The following ATXN10 variants were observed in gnomAD, a reference collection of about 807,000 sequenced individuals.
ATXN10 encodes ataxin 10.
ATXN10 carries 28 observed loss-of-function variants against 52.9 expected under a neutral mutation model. The observed-to-expected ratio is 0.53, with a 90% CI of 0.39 to 0.73. ATXN10 has a LOEUF of 0.73. ATXN10 is among the 30% of genes least tolerant of loss of function. The probability of loss-of-function intolerance (pLI) is 0.00; values close to 1 mark genes in which losing one functional copy is unlikely to be tolerated. For missense variants in ATXN10, 565 were observed against 577.0 expected (o/e 0.98, Z 0.21); for synonymous variants, 226 against 221.5 (o/e 1.02, Z -0.18).
rs998952577 is a variant in ATXN10, at chr22:45,754,100, GT to G, written c.1173+13564del. 2.0e-5 allele frequency among the ~76,000 whole-genome samples: 3 copies of G among 151,050 alleles called. No individual in the cohort carries two copies. The highest frequency in any genetic ancestry group is 3.0e-5 in the Non-Finnish European group (2 of 67,298). ...TGCCCAGTGGCAGGACGCAACCTGG[GT>G]TCCTGAGCCTTATGGGGTTAAGTGC... On this transcript the variant is annotated intron_variant, in intron 9 of 11. Transcript: ENST00000252934. The surrounding 1 kb of genome is among the most constrained non-coding windows in gnomAD (Gnocchi z 5.4).
rs1426839511 is a variant in ATXN10, at chr22:45,781,979, G to A, written c.1174-24980G>A. Among the ~76,000 whole-genome samples the A allele has an allele frequency of 5.9e-5, 9 of 152,182 alleles. No homozygotes were observed. The highest frequency in any genetic ancestry group is 2.2e-4 in the African/African-American group (9 of 41,426). ...GTTAACCAAGCTTCAGGGATATGTGGGACTTTAATAAAAGGCCGAAAAAGT... is the reference window on the plus strand; with the variant it reads ...GTTAACCAAGCTTCAGGGATATGTGAGACTTTAATAAAAGGCCGAAAAAGT... On this transcript the variant is annotated intron_variant, in intron 9 of 11. Transcript: ENST00000252934. The surrounding 1 kb of genome is among the most constrained non-coding windows in gnomAD (Gnocchi z 4.2).
In ATXN10 at chr22:45,683,040, C is replaced by T. The variant is rs754023192; in HGVS notation, c.117-6672C>T. The stretch of plus-strand genomic sequence containing the variant: ...CCTCTGCTCAGAACCTTCCATGGGC[C>T]GGGCACGGTGGCTCACGCCTGTCAT... On this transcript the variant is annotated intron_variant, in intron 1 of 11. Coordinates refer to ENST00000252934, the MANE Select transcript of ATXN10 (RefSeq NM_013236.4). The surrounding 1 kb of genome is among the most constrained non-coding windows in gnomAD (Gnocchi z 4.8). Among the ~76,000 whole-genome samples the T allele has an allele frequency of 6.6e-5, 10 of 152,266 alleles. No individual in the cohort carries two copies. In the South Asian group the frequency reaches 1.2e-3, roughly 19 times the overall value.
intron 5 of ATXN10, among the ~76,000 whole-genome samples, chr22:45,717,974 T>C (rs1924509118): frequency 6.6e-6 from 1 of 152,200 alleles, no homozygotes. Flanking sequence ...AACTTGAGAA[T>C]TCTTAAAGAG....
chr22:45,799,809 A>C (rs918114512), intron 9 of ATXN10, among the ~76,000 whole-genome samples: 1 of 152,244 alleles, frequency 6.6e-6, no homozygotes, highest in African/African-American at 2.4e-5. Flanking sequence ...TACTTCTTTC[A>C]TGACTTACTA....
intron 5 of ATXN10, among the ~76,000 whole-genome samples, chr22:45,713,880 A>C (rs1389560633): frequency 6.6e-6 from 1 of 152,128 alleles, no homozygotes; most frequent in Admixed American, 6.5e-5. Flanking sequence ...GATTTATTTC[A>C]TCAGTCTCTT....
At chr22:45,721,641 A>G (rs973888305) in intron 6 of ATXN10, among the ~76,000 whole-genome samples, 8 of 152,224 alleles carry the variant, frequency 5.3e-5, no homozygotes, top group Non-Finnish European at 7.3e-5. Flanking sequence ...TCTAACAACT[A>G]CTGCTACTAT....
intron 6 of ATXN10, among the ~76,000 whole-genome samples, chr22:45,723,188 T>G (rs1924727529): frequency 6.6e-6 from 1 of 152,086 alleles, no homozygotes; most frequent in Admixed American, 6.5e-5. Context: ...TGTAGATAGA[T>G]CCACTTATGA....
In ATXN10 at chr22:45,841,817, G is replaced by A. The variant is rs1929353866; in HGVS notation, c.1238-1174G>A. Among the ~76,000 whole-genome samples the A allele has an allele frequency of 6.6e-6, 1 of 152,200 alleles. No homozygotes were observed. The highest frequency in any genetic ancestry group is 6.5e-5 in the Admixed American group (1 of 15,286). ...TGTGTTCTCATGCCATGTTGGGGGA[G>A]CTAGAAATGTCTCAGAACTGGTCCA... is the stretch of plus-strand genomic sequence containing the variant. On this transcript the variant is annotated intron_variant, in intron 10 of 11. Coordinates refer to ENST00000252934, the MANE Select transcript of ATXN10 (RefSeq NM_013236.4). The surrounding 1 kb of genome is among the most constrained non-coding windows in gnomAD (Gnocchi z 5.1).
intron 9 of ATXN10, among the ~76,000 whole-genome samples, chr22:45,792,038 C>A (rs564978681): frequency 1.3e-5 from 2 of 152,262 alleles, no homozygotes; most frequent in East Asian, 3.9e-4. Flanking sequence ...CACTTATAAG[C>A]ATTCCAAATG....
intron 9 of ATXN10, among the ~76,000 whole-genome samples, chr22:45,745,566 A>T (rs954316722): frequency 6.6e-6 from 1 of 152,228 alleles, no homozygotes; most frequent in Non-Finnish European, 1.5e-5. Context: ...GTACTGTATG[A>T]AAAAGTTCAA....
In ATXN10 at chr22:45,697,983, G is replaced by A. The variant is rs141110240; in HGVS notation, c.392-2299G>A. On this transcript the variant is annotated intron_variant, in intron 3 of 11. Coordinates refer to ENST00000252934, the MANE Select transcript of ATXN10 (RefSeq NM_013236.4). ...ACCTTGTAGTGTGTATCATTACTTC[G>A]TTCCTCTTTATGGTGGAATAATACT... 5.3e-5 allele frequency among the ~76,000 whole-genome samples: 8 copies of A among 152,254 alleles called. No homozygotes were observed. In the East Asian group the frequency reaches 1.2e-3, roughly 22 times the overall value.
In ATXN10 at chr22:45,712,825, A is replaced by G. The variant is rs1211218559; in HGVS notation, c.648-5588A>G. ...GTTATTTAACTCTTTTAACAGGAGA[A>G]GGGAGGTTATTTTCTAGACCAGCTT... On this transcript the variant is annotated intron_variant, in intron 5 of 11. Transcript: ENST00000252934. This position sits in a 1 kb window ranked among gnomAD's most constrained non-coding sequence, Gnocchi z 4.6. Among the ~76,000 whole-genome samples the G allele has an allele frequency of 2.0e-5, 3 of 152,198 alleles. No homozygotes were observed. The highest frequency in any genetic ancestry group is 4.4e-5 in the Non-Finnish European group (3 of 68,024).
chr22:45,738,412 A>G (rs1925381429), intron 7 of ATXN10: 1 of 294,210 alleles, frequency 3.4e-6, no homozygotes, highest in Admixed American at 4.8e-5. Context: ...ATAGCTAGTA[A>G]TTTTGAACAT....
rs1555891799 is a variant in ATXN10, at chr22:45,740,717, C to CAT, written c.1173+180_1173+181insTA. On this transcript the variant is annotated intron_variant, in intron 9 of 11. Coordinates refer to ENST00000252934, the MANE Select transcript of ATXN10 (RefSeq NM_013236.4). ...ACACACACACACACACACACACACA[C>CAT]ACATATATATACACACACACACGTG... The CAT allele has an allele frequency of 5.4e-4, 218 of 406,618 alleles. 2 individuals are homozygous for CAT. Among genetic ancestry groups the CAT allele is most frequent in the African/African-American group, 4.6e-3 (194 of 41,906 alleles). 25.2% of individuals were successfully genotyped at this position (406,618 alleles called of 1,614,324 possible). A position where few individuals can be genotyped will look rare whatever the true frequency, so the allele number is the denominator to read the frequency against.
In ATXN10 at chr22:45,763,879, C is replaced by CG. The variant is rs1926486515; in HGVS notation, c.1173+23343dup. ...GTGAGCATGGGCTGTCTTGAGGTGC[C>CG]GGCTGTGTTAGGCTCTTACCCCCAC... On this transcript the variant is annotated intron_variant, in intron 9 of 11. Coordinates refer to ENST00000252934, the MANE Select transcript of ATXN10 (RefSeq NM_013236.4). The surrounding 1 kb of genome is among the most constrained non-coding windows in gnomAD (Gnocchi z 6.9). 6.6e-6 allele frequency among the ~76,000 whole-genome samples: 1 copy of CG among 152,122 alleles called. No homozygotes were observed. Among genetic ancestry groups the CG allele is most frequent in the Admixed American group, 6.5e-5 (1 of 15,276 alleles).
intron 9 of ATXN10, among the ~76,000 whole-genome samples, chr22:45,782,691 A>G (rs1271646216): frequency 2.0e-5 from 3 of 152,244 alleles, no homozygotes; most frequent in African/African-American, 4.8e-5. Context: ...GTGGTTACAC[A>G]TCTGCCTACA....
Position 45,757,550 on chromosome 22 carries a change from T to C in ATXN10, c.1173+17012T>C, listed in dbSNP as rs1174397847. ...GAGGGAGAAAGAAATGGGTTCTTTC[T>C]CTGTATTCTCTAAGATAGATTTGTT... On this transcript the variant is annotated intron_variant, in intron 9 of 11. Transcript: ENST00000252934. This position sits in a 1 kb window ranked among gnomAD's most constrained non-coding sequence, Gnocchi z 4.6. Among the ~76,000 whole-genome samples, 1 of 152,136 alleles carries C rather than the reference T, an allele frequency of 6.6e-6. No individual in the cohort carries two copies. The highest frequency in any genetic ancestry group is 6.5e-5 in the Admixed American group (1 of 15,278).
rs548258911 is a variant in ATXN10 at position 45,701,704 on chromosome 22, C to T, written c.489-985C>T. 3.9e-4 allele frequency among the ~76,000 whole-genome samples: 60 copies of T among 152,172 alleles called. 1 individual carries two copies. In the South Asian group the frequency reaches 0.012, roughly 32 times the overall value. ...AGAATGTGGTGGTAACTTATATATT[C>T]GTTATTCCTGAAGGATTTCATTCTT... On this transcript the variant is annotated intron_variant, in intron 4 of 11. Coordinates refer to ENST00000252934, the MANE Select transcript of ATXN10 (RefSeq NM_013236.4). This position sits in a 1 kb window ranked among gnomAD's most constrained non-coding sequence, Gnocchi z 4.2.
At chr22:45,729,383 T>C (rs1569039558) in intron 6 of ATXN10, 42 bp from the exon 7 acceptor site, 1 of 1,591,218 alleles carries the variant, frequency 6.3e-7, no homozygotes, top group Admixed American at 1.7e-5. Context: ...TTGTATAATT[T>C]AAGTATTATA....
Sources: allele counts gnomAD v4.1 joint callset (sites outside exome capture counted in the v4.1 genomes callset), GRCh38; gene constraint gnomAD v4.1.1; non-coding constraint Gnocchi (gnomAD v3.1); transcripts MANE v1.5; gene names NCBI Gene and HGNC (gene_info 2026-07-23, HGNC 2026-07-21).